NRG3: variants seen among roughly 807,000 people sequenced by gnomAD.
NRG3 encodes pro-neuregulin-3, membrane-bound isoform.
A neutral mutation model predicts 66.9 loss-of-function variants in NRG3; 31 were observed. The observed-to-expected ratio is 0.46, with a 90% CI of 0.35 to 0.63. The LOEUF is 0.63. Among genes scored for constraint, NRG3 ranks in the 20% least tolerant of loss-of-function variants. The pLI is 0.00. For missense variants in NRG3, 910 were observed against 878.9 expected (o/e 1.04, Z -0.45); for synonymous variants, 393 against 359.4 (o/e 1.09, Z -1.06).
chr10:81,992,585 G>A (rs550489444), intron 1 of NRG3, among the ~76,000 whole-genome samples: 3 of 152,198 alleles, frequency 2.0e-5, no homozygotes, highest in African/African-American at 7.2e-5. Context: ...TTGCATTATT[G>A]CAAATACAGA....
chr10:82,013,493 G>C (rs894592989), intron 1 of NRG3, among the ~76,000 whole-genome samples: 1 of 152,016 alleles, frequency 6.6e-6, no homozygotes, highest in Admixed American at 6.6e-5. Flanking sequence ...ATGGGTATCA[G>C]GTATTGGCAA....
chr10:82,948,823 C>CTT (rs1321610097), intron 4 of NRG3, among the ~76,000 whole-genome samples: 1 of 152,104 alleles, frequency 6.6e-6, no homozygotes, highest in Non-Finnish European at 1.5e-5. Context: ...ATTCCATCAG[C>CTT]TTTTCTGTAT....
intron 1 of NRG3, among the ~76,000 whole-genome samples, chr10:82,136,411 T>C (rs999443552): frequency 2.0e-5 from 3 of 152,106 alleles, no homozygotes; most frequent in Non-Finnish European, 4.4e-5. Context: ...TGTCCTTCTC[T>C]TTATTGATGT....
intron 2 of NRG3, among the ~76,000 whole-genome samples, chr10:82,665,358 T>C (rs1388226036): frequency 6.6e-6 from 1 of 152,224 alleles, no homozygotes; most frequent in Non-Finnish European, 1.5e-5. Context: ...CAATTTTTTG[T>C]AGACACCATC....
rs539006927 is a variant in NRG3 at position 82,265,194 on chromosome 10, T to G, written c.824-93545T>G. On this transcript the variant is annotated intron_variant, in intron 1 of 8. Coordinates refer to ENST00000372141, the MANE Select transcript of NRG3 (RefSeq NM_001010848.4). ...TCACTTGAGGGCTCTAATTATAAAT[T>G]TATAGTAAGACCAGTCAGCAGAGTC... Among the ~76,000 whole-genome samples, 4 of 152,204 alleles carry G rather than the reference T, an allele frequency of 2.6e-5. No individual in the cohort carries two copies. In the East Asian group the frequency reaches 7.7e-4, roughly 29 times the overall value.
chr10:82,242,834 A>G (rs970515469), intron 1 of NRG3, among the ~76,000 whole-genome samples: 85 of 152,124 alleles, frequency 5.6e-4, no homozygotes, highest in Non-Finnish European at 1.9e-4. Flanking sequence ...CTTATTTACA[A>G]ATTTTGATTT....
chr10:82,089,332 C>T (rs1648452769), intron 1 of NRG3, among the ~76,000 whole-genome samples: 1 of 152,154 alleles, frequency 6.6e-6, no homozygotes, highest in Non-Finnish European at 1.5e-5. Flanking sequence ...AATGCAGTGG[C>T]AGCTTGTTTC....
At chr10:82,490,369 T>C (rs777964548) in intron 2 of NRG3, among the ~76,000 whole-genome samples, 3 of 152,188 alleles carry the variant, frequency 2.0e-5, no homozygotes, top group Non-Finnish European at 4.4e-5. Flanking sequence ...TCTTGGGTGA[T>C]CTATCAGCAA....
intron 4 of NRG3, among the ~76,000 whole-genome samples, chr10:82,893,517 G>A (rs779688434): frequency 2.0e-5 from 3 of 152,050 alleles, no homozygotes; most frequent in Non-Finnish European, 4.4e-5. Flanking sequence ...GTGAAACCCC[G>A]TCTCTACTAA....
intron 1 of NRG3, among the ~76,000 whole-genome samples, chr10:82,031,351 T>G (rs1337431776): frequency 1.3e-5 from 2 of 152,144 alleles, no homozygotes; most frequent in African/African-American, 2.4e-5. Flanking sequence ...CTGTCAGGGT[T>G]AATACTTTAC....
At chr10:82,809,366 CA>C (rs1188408349) in intron 3 of NRG3, among the ~76,000 whole-genome samples, 2 of 151,308 alleles carry the variant, frequency 1.3e-5, no homozygotes, top group East Asian at 1.9e-4. Flanking sequence ...ATCATTTATA[CA>C]AAAAATATAT....
chr10:82,560,466 C>A (rs2044965167), intron 2 of NRG3, among the ~76,000 whole-genome samples: 1 of 150,910 alleles, frequency 6.6e-6, no homozygotes, highest in Non-Finnish European at 1.5e-5. Context: ...AGAATGTTTT[C>A]CATTTTTACT....
intron 1 of NRG3, among the ~76,000 whole-genome samples, chr10:82,238,350 T>TATATAAA (rs2076851403): frequency 6.6e-6 from 1 of 152,064 alleles, no homozygotes; most frequent in Admixed American, 6.6e-5. Context: ...CCTTACTGAG[T>TATATAAA]ATATAAAATA....
chr10:82,397,395 C>T (rs72827386), intron 2 of NRG3, among the ~76,000 whole-genome samples: 2,890 of 152,204 alleles, frequency 0.019, 45 homozygotes, highest in Middle Eastern at 0.037. Flanking sequence ...GAAAAGCAAA[C>T]TCATCTTGTA....
intron 1 of NRG3, among the ~76,000 whole-genome samples, chr10:82,350,134 A>G (rs1396174892): frequency 1.3e-5 from 2 of 152,216 alleles, no homozygotes; most frequent in African/African-American, 4.8e-5. Context: ...AAAAAATAAA[A>G]AAACCTTGAT....
intron 5 of NRG3, 68 bp downstream of exon 5, chr10:82,951,639 C>A: frequency 5.2e-6 from 7 of 1,356,488 alleles, no homozygotes; most frequent in Non-Finnish European, 6.3e-6. Flanking sequence ...ACTTTAAGTT[C>A]TCAGTCTGTG....
At position 82,399,487 on chromosome 10, in the gene NRG3, G is replaced by C. The variant is rs527847570; in HGVS notation, c.953+40619G>C. The stretch of plus-strand genomic sequence containing the variant: ...TGCATTGGGTAGTTGATGAACAATA[G>C]AAATTTATTTCTCACAGTTCTGGAG... On this transcript the variant is annotated intron_variant, in intron 2 of 8. Transcript: ENST00000372141. Among the ~76,000 whole-genome samples, 10 of 152,294 alleles carry C rather than the reference G, an allele frequency of 6.6e-5. No individual in the cohort carries two copies. The East Asian group carries it at 1.9e-3, about 29-fold the overall frequency.
rs139005578 is a variant in NRG3 at position 82,189,522 on chromosome 10, T to G, written c.824-169217T>G. Among the ~76,000 whole-genome samples the G allele has an allele frequency of 2.9e-4, 44 of 152,128 alleles. 1 individual carries two copies. The East Asian group carries it at 8.0e-3, about 28-fold the overall frequency. ...CATAAAAAAATTGGGCTGGGCGTGA[T>G]GGCTCACACCTGTAATCCCAGCACT... On this transcript the variant is annotated intron_variant, in intron 1 of 8. Coordinates refer to ENST00000372141, the MANE Select transcript of NRG3 (RefSeq NM_001010848.4).
chr10:82,174,008 A>T (rs2072839722), intron 1 of NRG3, among the ~76,000 whole-genome samples: 1 of 152,142 alleles, frequency 6.6e-6, no homozygotes, highest in East Asian at 1.9e-4. Context: ...CCTACAATTC[A>T]GGTTCTCATG....
Sources: allele counts gnomAD v4.1 joint callset (sites outside exome capture counted in the v4.1 genomes callset), GRCh38; gene constraint gnomAD v4.1.1; transcripts MANE v1.5; gene names NCBI Gene and HGNC (gene_info 2026-07-23, HGNC 2026-07-21).